Variants in ZNF560 observed in about 807,000 individuals in gnomAD.
ZNF560 encodes zinc finger protein 560.
ZNF560 carries 54 observed loss-of-function variants against 81.8 expected under a neutral mutation model. The observed-to-expected ratio is 0.66, with a 90% CI of 0.53 to 0.83. The LOEUF (loss-of-function observed/expected upper bound fraction) is 0.83, where lower values mean the gene tolerates loss of function less well. Ranked by LOEUF, ZNF560 falls within the 40% of genes least tolerant of loss-of-function variation. The pLI, the probability that ZNF560 is intolerant of heterozygous loss-of-function variation, is 0.00. For synonymous variants in ZNF560, 321 were observed against 317.9 expected, an observed-to-expected ratio of 1.01 and a Z score of -0.10; for missense variants, 940 against 932.4, an observed-to-expected ratio of 1.01 and a Z score of -0.11.
chr19:9,464,033 C>T (rs1399336153), downstream of ZNF560, among the ~76,000 whole-genome samples: 3 of 152,176 alleles, frequency 2.0e-5, no homozygotes, highest in Non-Finnish European at 2.9e-5. Context: ...ATTACACTGG[C>T]TGGATTAAGA....
At chr19:9,479,530 A>G (rs551163838) in intron 2 of ZNF560, among the ~76,000 whole-genome samples, 56 of 152,334 alleles carry the variant, frequency 3.7e-4, no homozygotes, top group African/African-American at 1.1e-3. Context: ...AAAGGAATCT[A>G]CCAATCAATA....
At chr19:9,504,784 T>A in the ZNF560 span, among the ~76,000 whole-genome samples, 3 of 152,238 alleles carry the variant, frequency 2.0e-5, no homozygotes, top group African/African-American at 7.2e-5. Context: ...AATTTTTAAT[T>A]TTTTTAAGAG....
upstream of ZNF560, among the ~76,000 whole-genome samples, chr19:9,500,271 G>C (rs576869851): frequency 1.2e-3 from 187 of 151,858 alleles, 1 homozygote; most frequent in African/African-American, 4.2e-3. Flanking sequence ...TGTAATCCCA[G>C]CTACTCGGGA....
Position 9,466,549 on chromosome 19 carries a change from T to G in ZNF560, c.*25A>C. The G allele has an allele frequency of 6.5e-7, 1 of 1,540,890 alleles. No homozygotes were observed. The highest frequency in any genetic ancestry group is 8.7e-7 in the Non-Finnish European group (1 of 1,146,388). Reference sequence around the variant, plus strand: ...AGGAAACAGCAAAGGTTTTTCCACATTCTTCACATCCACAGGGCTTCTCTC... The same window carrying G: ...AGGAAACAGCAAAGGTTTTTCCACAGTCTTCACATCCACAGGGCTTCTCTC... On this transcript the variant is annotated 3_prime_UTR_variant, in exon 10 of 10. Coordinates refer to ENST00000301480, the MANE Select transcript of ZNF560 (RefSeq NM_152476.3).
chr19:9,459,405 G>T, the ZNF560 span, among the ~76,000 whole-genome samples: 28 of 152,302 alleles, frequency 1.8e-4, no homozygotes, highest in African/African-American at 6.7e-4. Flanking sequence ...TAATAACATG[G>T]GGCAGAGGTT....
chr19:9,463,213 A>G (rs1015682641), downstream of ZNF560, among the ~76,000 whole-genome samples: 3 of 152,230 alleles, frequency 2.0e-5, no homozygotes, highest in African/African-American at 4.8e-5. Flanking sequence ...AAAATTCAGT[A>G]TACAAAGATC....
the ZNF560 span, among the ~76,000 whole-genome samples, chr19:9,461,035 C>T: frequency 6.6e-6 from 1 of 152,062 alleles, no homozygotes; most frequent in African/African-American, 2.4e-5. Context: ...TATAGTGGCA[C>T]CTCAACCTCA....
chr19:9,501,324 A>C (rs1181812377), upstream of ZNF560, among the ~76,000 whole-genome samples: 2 of 115,384 alleles, frequency 1.7e-5, no homozygotes, highest in East Asian at 5.3e-4. Flanking sequence ...ATGCCTGGCT[A>C]CTTTGTGTGT....
intron 5 of ZNF560, among the ~76,000 whole-genome samples, chr19:9,472,947 T>G (rs1232693570): frequency 1.3e-5 from 2 of 152,138 alleles, no homozygotes. Flanking sequence ...ATTTGTCTGC[T>G]CCTCCTTTGC....
chr19:9,506,174 G>A, the ZNF560 span, among the ~76,000 whole-genome samples: 21 of 151,776 alleles, frequency 1.4e-4, no homozygotes, highest in Non-Finnish European at 3.1e-4. Context: ...TGTATTTTTA[G>A]TAGAGACAGG....
Position 9,471,385 on chromosome 19 carries a change from CA to C in ZNF560, c.239-8del. 1.4e-6 allele frequency: 2 copies of C among 1,442,456 alleles called. No individual in the cohort carries two copies. The highest frequency in any genetic ancestry group is 2.6e-5 in the East Asian group (1 of 38,374). 89.4% of individuals were successfully genotyped at this position (1,442,456 alleles called of 1,614,324 possible). On this transcript the variant is annotated splice_region_variant and splice_polypyrimidine_tract_variant and intron_variant, in intron 5 of 9. Transcript: ENST00000301480. ...TGATGTTTTATTGCCCAGTCTGAAACAAAAACATAAACTGAGGTTTTTTTTT... is the reference window on the plus strand; with the variant it reads ...TGATGTTTTATTGCCCAGTCTGAAACAAAACATAAACTGAGGTTTTTTTTT...
At chr19:9,490,519 T>G (rs1471506298) in intron 2 of ZNF560, among the ~76,000 whole-genome samples, 1 of 152,198 alleles carries the variant, frequency 6.6e-6, no homozygotes, top group Non-Finnish European at 1.5e-5. Context: ...TAACAGGGAT[T>G]AATAAATCTT....
chr19:9,505,433 CAG>C, the ZNF560 span, among the ~76,000 whole-genome samples: 1 of 152,326 alleles, frequency 6.6e-6, no homozygotes, highest in East Asian at 1.9e-4. Context: ...TTCTTGTAGA[CAG>C]AATACGATTT....
At chr19:9,461,083 T>C in the ZNF560 span, among the ~76,000 whole-genome samples, 1 of 150,838 alleles carries the variant, frequency 6.6e-6, no homozygotes, top group Non-Finnish European at 1.5e-5. Context: ...ACATAAGGAT[T>C]TGTGGAAACT....
At chr19:9,449,018 T>G in the ZNF560 span, among the ~76,000 whole-genome samples, 1 of 152,286 alleles carries the variant, frequency 6.6e-6, no homozygotes, top group East Asian at 1.9e-4. Context: ...ATAAAACAAG[T>G]ACTTCTAGAC....
upstream of ZNF560, among the ~76,000 whole-genome samples, chr19:9,503,058 A>G (rs1484568760): frequency 6.6e-6 from 1 of 152,034 alleles, no homozygotes; most frequent in African/African-American, 2.4e-5. Context: ...ATTTACAGCT[A>G]TAAATTTCCT....
chr19:9,506,212 C>T, the ZNF560 span, among the ~76,000 whole-genome samples: 9 of 152,058 alleles, frequency 5.9e-5, no homozygotes, highest in East Asian at 9.7e-4. Flanking sequence ...ACGCTGGTCT[C>T]GAACTCCTGA....
intron 2 of ZNF560, among the ~76,000 whole-genome samples, chr19:9,489,342 C>T (rs146692205): frequency 1.1e-3 from 169 of 151,528 alleles, no homozygotes; most frequent in African/African-American, 3.8e-3. Context: ...CAGACAGAGT[C>T]GCTCCTCACT....
chr19:9,485,691 G>A (rs1056667425), intron 2 of ZNF560, among the ~76,000 whole-genome samples: 3 of 151,860 alleles, frequency 2.0e-5, no homozygotes, highest in Admixed American at 6.6e-5. Context: ...GATGACAGGC[G>A]TGCACTGCCA....
Sources: allele counts gnomAD v4.1 joint callset (sites outside exome capture counted in the v4.1 genomes callset), GRCh38; gene constraint gnomAD v4.1.1; transcripts MANE v1.5; gene names NCBI Gene and HGNC (gene_info 2026-07-23, HGNC 2026-07-21).